RSF1: variants seen among roughly 807,000 people sequenced by gnomAD.
RSF1 encodes the protein remodeling and spacing factor 1, also known as HBV pX-associated protein 8.
Under a neutral mutation model 145.2 loss-of-function variants are expected in RSF1, and 13 were observed. The observed-to-expected ratio is 0.09, with a 90% CI of 0.06 to 0.14. The LOEUF is 0.14. Among genes scored for constraint, RSF1 ranks in the 10% least tolerant of loss-of-function variants. The pLI is 1.00. For missense variants in RSF1, 1,517 were observed against 1,718.2 expected (o/e 0.88, Z 2.07); for synonymous variants, 577 against 592.6 (o/e 0.97, Z 0.38).
chr11:77,785,244 T>G (rs1288338397), intron 1 of RSF1, among the ~76,000 whole-genome samples: 1 of 152,216 alleles, frequency 6.6e-6, no homozygotes, highest in African/African-American at 2.4e-5. Context: ...TTATGACAAG[T>G]GGGTAAAAGC....
intron 2 of RSF1, among the ~76,000 whole-genome samples, chr11:77,757,270 T>G (rs1948125256): frequency 6.6e-6 from 1 of 152,156 alleles, no homozygotes. Flanking sequence ...TAAAGGTTTT[T>G]GGGATTGGCA....
rs112481534 is a variant in RSF1 at position 77,690,161 on chromosome 11, CAAA to C, written c.2900+995_2900+997del. ...TGGGCAACAGAGCGAGACTCCATCT[CAAA>C]AAAAAAAAAAAAAAAACAAAAAACC... On this transcript the variant is annotated intron_variant, in intron 9 of 15. Transcript: ENST00000308488. Among the ~76,000 whole-genome samples, 42 of 88,594 alleles carry C rather than the reference CAAA, an allele frequency of 4.7e-4. No individual in the cohort carries two copies. In the South Asian group the frequency reaches 0.014, roughly 28 times the overall value. The allele number at this position is 88,594 out of a possible 152,430, so 58.1% of individuals were successfully genotyped here. A position where few individuals can be genotyped will look rare whatever the true frequency, so the allele number is the denominator to read the frequency against.
At chr11:77,808,983 T>C (rs1484562910) in intron 1 of RSF1, among the ~76,000 whole-genome samples, 1 of 152,218 alleles carries the variant, frequency 6.6e-6, no homozygotes, top group Non-Finnish European at 1.5e-5. Flanking sequence ...ACAACCATAG[T>C]ACTGTGGATC....
At chr11:77,810,086 A>T (rs1474575889) in intron 1 of RSF1, among the ~76,000 whole-genome samples, 1 of 152,230 alleles carries the variant, frequency 6.6e-6, no homozygotes, top group South Asian at 2.1e-4. Flanking sequence ...TATCTAGTAC[A>T]TTCTTTCCCA....
chr11:77,790,408 T>A (rs1948504994), intron 1 of RSF1, among the ~76,000 whole-genome samples: 2 of 152,142 alleles, frequency 1.3e-5, no homozygotes, highest in African/African-American at 4.8e-5. Context: ...CACATGGTAA[T>A]TCAAGATGAG....
At chr11:77,733,047 G>C (rs536730261) in intron 4 of RSF1, among the ~76,000 whole-genome samples, 43 of 152,058 alleles carry the variant, frequency 2.8e-4, no homozygotes, top group Admixed American at 6.6e-4. Context: ...TCTTATACAA[G>C]GCTTTTTGTA....
Position 77,665,744 on chromosome 11 carries a change from T to C in RSF1, c.*1173A>G, listed in dbSNP as rs534563760. 1 of 151,290 alleles carries C rather than the reference T, an allele frequency of 6.6e-6. No individual in the cohort carries two copies. The highest frequency in any genetic ancestry group is 2.1e-4 in the South Asian group (1 of 4,808). 9.4% of individuals were successfully genotyped at this position (151,290 alleles called of 1,614,324 possible). ...AACTCTGCTAATATATCCAGGCAGA[T>C]AGGAAATTCCAACACACACACACAC... On this transcript the variant is annotated 3_prime_UTR_variant, in exon 16 of 16. Transcript: ENST00000308488.
intron 1 of RSF1, among the ~76,000 whole-genome samples, chr11:77,778,700 G>T (rs947999856): frequency 6.6e-6 from 1 of 152,180 alleles, no homozygotes; most frequent in South Asian, 2.1e-4. Context: ...AGGACTAAAT[G>T]GACTCTTCAG....
At chr11:77,728,244 C>T (rs1366154548) in intron 4 of RSF1, among the ~76,000 whole-genome samples, 6 of 152,280 alleles carry the variant, frequency 3.9e-5, no homozygotes, top group South Asian at 2.1e-4. Context: ...ATTCCAATTA[C>T]TCTCTCAAAG....
intron 9 of RSF1, among the ~76,000 whole-genome samples, chr11:77,690,110 C>T (rs1456079662): frequency 1.4e-5 from 2 of 147,296 alleles, no homozygotes; most frequent in African/African-American, 2.5e-5. Context: ...TGCCATGAGC[C>T]GAGACTGTGC....
At chr11:77,751,927 T>C (rs1428001562) in intron 2 of RSF1, among the ~76,000 whole-genome samples, 1 of 152,200 alleles carries the variant, frequency 6.6e-6, no homozygotes, top group African/African-American at 2.4e-5. Flanking sequence ...CAAATCCTTA[T>C]TTTACAATTG....
intron 1 of RSF1, among the ~76,000 whole-genome samples, chr11:77,778,735 T>C (rs1948373970): frequency 6.6e-6 from 1 of 152,236 alleles, no homozygotes. Flanking sequence ...TGGGAACATG[T>C]GACACTGTTG....
At chr11:77,767,121 G>A (rs1403117728) in intron 1 of RSF1, among the ~76,000 whole-genome samples, 2 of 152,100 alleles carry the variant, frequency 1.3e-5, no homozygotes, top group Non-Finnish European at 2.9e-5. Flanking sequence ...CATTAAAAAA[G>A]GCTGTGTTGG....
At chr11:77,795,802 C>T (rs1188147596) in intron 1 of RSF1, among the ~76,000 whole-genome samples, 1 of 152,172 alleles carries the variant, frequency 6.6e-6, no homozygotes, top group Non-Finnish European at 1.5e-5. Flanking sequence ...TATATTAAAG[C>T]TAAGAAGAGC....
chr11:77,713,364 A>G (rs904633291), intron 5 of RSF1, among the ~76,000 whole-genome samples: 1 of 152,178 alleles, frequency 6.6e-6, no homozygotes. Flanking sequence ...TCTCTCAAAT[A>G]CATTATGGCA....
chr11:77,697,470 ATT>A (rs1491348005), intron 7 of RSF1, among the ~76,000 whole-genome samples: 5 of 28,010 alleles, frequency 1.8e-4, no homozygotes, highest in African/African-American at 2.7e-4. Context: ...TATAAAATAT[ATT>A]TATATATAAT....
chr11:77,814,336 C>CA (rs1565189124), intron 1 of RSF1, among the ~76,000 whole-genome samples: 3 of 152,100 alleles, frequency 2.0e-5, no homozygotes, highest in African/African-American at 4.8e-5. Context: ...CATTCTCTAC[C>CA]AAAAAAATTT....
chr11:77,805,119 C>T (rs944012965), intron 1 of RSF1, among the ~76,000 whole-genome samples: 1 of 152,120 alleles, frequency 6.6e-6, no homozygotes, highest in African/African-American at 2.4e-5. Context: ...AATCTCTGTA[C>T]CTAGCAGAAA....
chr11:77,697,321 A>G (rs762730155), intron 7 of RSF1, among the ~76,000 whole-genome samples: 7 of 151,736 alleles, frequency 4.6e-5, no homozygotes, highest in Non-Finnish European at 8.8e-5. Context: ...ATTTTCTTCT[A>G]CTTAATAGCT....
Sources: allele counts gnomAD v4.1 joint callset (sites outside exome capture counted in the v4.1 genomes callset), GRCh38; gene constraint gnomAD v4.1.1; transcripts MANE v1.5; gene names NCBI Gene and HGNC (gene_info 2026-07-23, HGNC 2026-07-21).